The following POU2F1 variants were observed in gnomAD, a reference collection of about 807,000 sequenced individuals.
POU2F1 encodes POU class 2 homeobox 1.
Under a neutral mutation model 84.9 loss-of-function variants are expected in POU2F1, and 16 were observed. That is an observed-to-expected ratio of 0.19 (90% CI 0.13 to 0.29). POU2F1 has a LOEUF of 0.29. POU2F1 is among the 10% of genes least tolerant of loss of function. POU2F1 has a pLI of 1.00. For missense variants in POU2F1, 738 were observed against 942.6 expected (o/e 0.78, Z 2.84); for synonymous variants, 368 against 368.3 (o/e 1.00, Z 0.01).
At chr1:167,347,315 G>C (rs1658267505) in intron 2 of POU2F1, among the ~76,000 whole-genome samples, 1 of 152,092 alleles carries the variant, frequency 6.6e-6, no homozygotes, top group African/African-American at 2.4e-5. Context: ...ATGAAAAATA[G>C]CCTTCACAAA....
rs1411680012 is a variant in POU2F1 at position 167,365,498 on chromosome 1, G to A, written c.159G>A (p.Lys53=). ...GTQTNGLDFQ[K]QPVPVGGAIS... ...AAACCAATGGTCTGGACTTTCAGAA[G>A]CAGCCTGTGCCTGTAGGAGGAGCAA... The change falls in exon 3 of 16, where the codon AAG becomes AAA. Residue 53 remains lysine (K), a synonymous_variant. Coordinates refer to ENST00000367866, the MANE Select transcript of POU2F1 (RefSeq NM_002697.4). The A allele has an allele frequency of 6.2e-7, 1 of 1,601,322 alleles. No individual in the cohort carries two copies. Among genetic ancestry groups the A allele is most frequent in the Non-Finnish European group, 8.5e-7 (1 of 1,174,682 alleles).
chr1:167,338,179 C>A (rs1276730053), intron 2 of POU2F1: 3 of 468,362 alleles, frequency 6.4e-6, no homozygotes, highest in African/African-American at 4.0e-5. Context: ...CAAGACCCCT[C>A]CTGTTCCTCC....
intron 1 of POU2F1, among the ~76,000 whole-genome samples, chr1:167,280,780 T>C (rs1653074909): frequency 6.6e-6 from 1 of 152,214 alleles, no homozygotes; most frequent in African/African-American, 2.4e-5. Context: ...TCCAACCCTT[T>C]CTGTGAAATT....
chr1:167,231,650 T>C (rs1649069602), intron 1 of POU2F1, among the ~76,000 whole-genome samples: 1 of 152,200 alleles, frequency 6.6e-6, no homozygotes, highest in African/African-American at 2.4e-5. Context: ...ATAACATCTC[T>C]GCCCTCTCAA....
intron 2 of POU2F1, among the ~76,000 whole-genome samples, chr1:167,344,266 G>A (rs1472475820): frequency 6.6e-6 from 1 of 152,154 alleles, no homozygotes; most frequent in Non-Finnish European, 1.5e-5. Flanking sequence ...ATGGAGATCA[G>A]ATGTGAATCA....
intron 7 of POU2F1, among the ~76,000 whole-genome samples, chr1:167,377,383 G>A (rs1475379430): frequency 2.0e-5 from 3 of 151,482 alleles, no homozygotes; most frequent in Non-Finnish European, 2.9e-5. Flanking sequence ...TCAGGAGATC[G>A]AGACCATCCT....
In POU2F1 at chr1:167,362,987, A is replaced by G. The variant is rs199704518; in HGVS notation, c.128-2480A>G. Among the ~76,000 whole-genome samples, 5 of 152,212 alleles carry G rather than the reference A, an allele frequency of 3.3e-5. No homozygotes were observed. The East Asian group carries it at 7.7e-4, about 23-fold the overall frequency. On this transcript the variant is annotated intron_variant, in intron 2 of 15. Coordinates refer to ENST00000367866, the MANE Select transcript of POU2F1 (RefSeq NM_002697.4). ...AGAAAGGTTTTTATGATGTCAAAAT[A>G]TCATAATACATTAAAAATGTAAGAA...
In POU2F1 at chr1:167,413,015, T is replaced by A; in HGVS notation, c.1902-11T>A. 1 of 1,610,688 alleles carries A rather than the reference T, an allele frequency of 6.2e-7. No individual in the cohort carries two copies. Among genetic ancestry groups the A allele is most frequent in the Non-Finnish European group, 8.5e-7 (1 of 1,177,018 alleles). On this transcript the variant is annotated splice_polypyrimidine_tract_variant and intron_variant, in intron 14 of 15. Transcript: ENST00000367866. ...CATGGTAATAAAGTGACTCCTCTTTTGGACTTGCAGAGGTGCCTTACTCAG... is the reference window on the plus strand; with the variant it reads ...CATGGTAATAAAGTGACTCCTCTTTAGGACTTGCAGAGGTGCCTTACTCAG...
intron 1 of POU2F1, among the ~76,000 whole-genome samples, chr1:167,240,345 A>G (rs1439108493): frequency 6.6e-6 from 1 of 152,226 alleles, no homozygotes; most frequent in Non-Finnish European, 1.5e-5. Flanking sequence ...GAATTACAAA[A>G]TGTATGCTTT....
At chr1:167,369,459 T>C (rs996687576) in intron 3 of POU2F1, among the ~76,000 whole-genome samples, 2 of 152,210 alleles carry the variant, frequency 1.3e-5, no homozygotes, top group African/African-American at 2.4e-5. Context: ...ACCCATTAGT[T>C]ATCCATTGAT....
At position 167,411,965 on chromosome 1, in the gene POU2F1, C is replaced by T. The variant is rs762942750; in HGVS notation, c.1562C>T (p.Ser521Leu). The T allele has an allele frequency of 1.2e-6, 2 of 1,611,190 alleles. No homozygotes were observed. The highest frequency in any genetic ancestry group is 1.7e-6 in the Non-Finnish European group (2 of 1,177,994). ...AVTNLSVTGT[S>L]DTTSNNTATV... The stretch of plus-strand genomic sequence containing the variant: ...AATCTGTTTGTCTTTTCAGGCACTT[C>T]AGACACCACCTCCAACAACACAGCA... The change falls in exon 14 of 16, where the codon TCA becomes TTA. Residue 521 changes from serine (S) to leucine (L), a missense_variant. By Grantham distance (145) the Ser-to-Leu change is moderately radical. Coordinates refer to ENST00000367866, the MANE Select transcript of POU2F1 (RefSeq NM_002697.4).
At chr1:167,245,851 G>C (rs6427081) in intron 1 of POU2F1, among the ~76,000 whole-genome samples, 149,652 of 152,376 alleles carry the variant, frequency 0.98, 73,537 homozygotes, top group East Asian at 1. Context: ...GCCACTGTCC[G>C]TGGCTCAACT....
chr1:167,242,674 C>T (rs1043955753), intron 1 of POU2F1, among the ~76,000 whole-genome samples: 1 of 152,134 alleles, frequency 6.6e-6, no homozygotes, highest in African/African-American at 2.4e-5. Context: ...ACAGCTTAAC[C>T]TGTTTATATG....
chr1:167,317,385 G>A (rs536453774), intron 1 of POU2F1, among the ~76,000 whole-genome samples: 17 of 152,254 alleles, frequency 1.1e-4, no homozygotes, highest in Admixed American at 2.6e-4. Flanking sequence ...CAGCTCAGTC[G>A]TGGAGACCCT....
chr1:167,333,902 C>T (rs1657247981), intron 2 of POU2F1, among the ~76,000 whole-genome samples: 1 of 152,072 alleles, frequency 6.6e-6, no homozygotes, highest in South Asian at 2.1e-4. Flanking sequence ...GAAATGTTTG[C>T]AGAGAGAAAT....
At position 167,370,169 on chromosome 1, in the gene POU2F1, C is replaced by A. The variant is rs34899926; in HGVS notation, c.237C>A (p.Leu79=). Residue 79 remains leucine, a synonymous_variant, in exon 4 of 16, where the codon CTC becomes CTA. Coordinates refer to ENST00000367866, the MANE Select transcript of POU2F1 (RefSeq NM_002697.4). ...AFLGHLHQVQ[L]AGTSLQAAAQ... ...CCCCTGATTACTTATAGGTCCAACTCGCTGGAACAAGTTTACAGGCTGCTG... is the reference window on the plus strand; with the variant it reads ...CCCCTGATTACTTATAGGTCCAACTAGCTGGAACAAGTTTACAGGCTGCTG... 6.2e-7 allele frequency: 1 copy of A among 1,606,722 alleles called. No individual in the cohort carries two copies. The highest frequency in any genetic ancestry group is 8.5e-7 in the Non-Finnish European group (1 of 1,175,016).
At chr1:167,233,533 C>G (rs189719378) in intron 1 of POU2F1, among the ~76,000 whole-genome samples, 54 of 152,278 alleles carry the variant, frequency 3.5e-4, no homozygotes, top group Admixed American at 1.1e-3. Flanking sequence ...AGTCTAGGAG[C>G]AACAGGCTAT....
intron 1 of POU2F1, among the ~76,000 whole-genome samples, chr1:167,292,165 C>G (rs967860030): frequency 6.6e-6 from 1 of 151,968 alleles, no homozygotes; most frequent in African/African-American, 2.4e-5. Flanking sequence ...ACTTGGTTTT[C>G]TGTTACCATC....
chr1:167,387,599 G>T lies in POU2F1; in HGVS notation c.814-1989G>T, dbSNP rs192412825. Reference sequence around the variant, plus strand: ...GGAAGCCTTGACTCATAAGGTAAAGGTCAGGCTTATATAACTCATCTAAAT... The same window carrying T: ...GGAAGCCTTGACTCATAAGGTAAAGTTCAGGCTTATATAACTCATCTAAAT... On this transcript the variant is annotated intron_variant, in intron 8 of 15. Transcript: ENST00000367866. 3.2e-3 allele frequency among the ~76,000 whole-genome samples: 487 copies of T among 152,282 alleles called. 3 individuals are homozygous for T. The highest frequency in any genetic ancestry group is 4.4e-3 in the Admixed American group (67 of 15,290).
Sources: allele counts gnomAD v4.1 joint callset (sites outside exome capture counted in the v4.1 genomes callset), GRCh38; gene constraint gnomAD v4.1.1; transcripts MANE v1.5; gene names NCBI Gene and HGNC (gene_info 2026-07-23, HGNC 2026-07-21).